MGAT5: variants seen among roughly 807,000 people sequenced by gnomAD.
MGAT5 encodes the protein alpha-1,6-mannosylglycoprotein 6-beta-N-acetylglucosaminyltransferase, also known as alpha-1,6-mannosylglycoprotein 6-beta-N-acetylglucosaminyltransferase A.
MGAT5 carries 30 observed loss-of-function variants against 94.3 expected under a neutral mutation model. The observed-to-expected ratio is 0.32, with a 90% CI of 0.24 to 0.43. MGAT5 has a LOEUF of 0.43. Among genes scored for constraint, MGAT5 ranks in the 20% least tolerant of loss-of-function variants. The probability of loss-of-function intolerance (pLI) is 1.00; values close to 1 mark genes in which losing one functional copy is unlikely to be tolerated. For missense variants in MGAT5, 691 were observed against 905.5 expected (o/e 0.76, Z 3.04); for synonymous variants, 310 against 322.9 (o/e 0.96, Z 0.43).
intron 1 of MGAT5, among the ~76,000 whole-genome samples, chr2:134,127,388 A>G (rs1685890250): frequency 1.3e-5 from 2 of 152,106 alleles, no homozygotes; most frequent in African/African-American, 4.8e-5. Flanking sequence ...TTCACTGTAC[A>G]TTACACACAA....
At chr2:134,366,865 G>A (rs1218183384) in intron 10 of MGAT5, among the ~76,000 whole-genome samples, 1 of 152,166 alleles carries the variant, frequency 6.6e-6, no homozygotes, top group Non-Finnish European at 1.5e-5. Flanking sequence ...ATTTATCTTT[G>A]TCTTCCTGCT....
chr2:134,428,471 C>G (rs1410787735), intron 14 of MGAT5, 32 bp downstream of exon 14: 1 of 1,577,958 alleles, frequency 6.3e-7, no homozygotes, highest in East Asian at 2.2e-5. Flanking sequence ...TCTGTCTTTG[C>G]TGTGTACTGC....
intron 9 of MGAT5, among the ~76,000 whole-genome samples, chr2:134,357,780 AT>A (rs1679836922): frequency 6.6e-6 from 1 of 152,052 alleles, no homozygotes; most frequent in African/African-American, 2.4e-5. Context: ...TTTGTCAACA[AT>A]TTAGGCGCTC....
chr2:134,294,147 A>G (rs1468992476), intron 2 of MGAT5, among the ~76,000 whole-genome samples: 2 of 152,128 alleles, frequency 1.3e-5, no homozygotes, highest in East Asian at 1.9e-4. Context: ...GTTTTATTCT[A>G]CCTTCCAGGG....
chr2:134,261,984 A>T (rs1358038387), intron 1 of MGAT5, among the ~76,000 whole-genome samples: 2 of 152,174 alleles, frequency 1.3e-5, no homozygotes, highest in African/African-American at 2.4e-5. Flanking sequence ...CTAACATGGG[A>T]ACCATTGTTT....
intron 2 of MGAT5, among the ~76,000 whole-genome samples, chr2:134,305,499 T>A (rs933223095): frequency 6.6e-6 from 1 of 152,222 alleles, no homozygotes; most frequent in Non-Finnish European, 1.5e-5. Flanking sequence ...TGATTCCATA[T>A]TTCTTTTCTT....
intron 2 of MGAT5, among the ~76,000 whole-genome samples, chr2:134,275,367 A>G (rs1013223554): frequency 6.6e-6 from 1 of 152,166 alleles, no homozygotes; most frequent in Non-Finnish European, 1.5e-5. Flanking sequence ...TTACAGAAAA[A>G]TGCTTGTCTT....
intron 14 of MGAT5, among the ~76,000 whole-genome samples, chr2:134,435,559 G>T (rs1685125589): frequency 6.6e-6 from 1 of 152,146 alleles, no homozygotes; most frequent in South Asian, 2.1e-4. Context: ...CAAGCCCTAT[G>T]AAGGCAGGGA....
In MGAT5 at chr2:134,450,490, T is replaced by C. The variant is rs780552182; in HGVS notation, c.*1643T>C. ...GGGCCTTTAAGTCTGGGAAGTTACA[T>C]TCTGCTTCTTTCTCAATTGCTACAC... On this transcript the variant is annotated 3_prime_UTR_variant, in exon 16 of 16. Transcript: ENST00000281923. 6.6e-6 allele frequency: 1 copy of C among 152,262 alleles called. No homozygotes were observed. The highest frequency in any genetic ancestry group is 1.5e-5 in the Non-Finnish European group (1 of 68,062). 9.4% of individuals were successfully genotyped at this position (152,262 alleles called of 1,614,324 possible). A position where few individuals can be genotyped will look rare whatever the true frequency, so the allele number is the denominator to read the frequency against.
chr2:134,227,238 T>G (rs1199487949), intron 1 of MGAT5, among the ~76,000 whole-genome samples: 1 of 152,194 alleles, frequency 6.6e-6, no homozygotes, highest in Non-Finnish European at 1.5e-5. Context: ...GCTTTGCCTC[T>G]TCTCTCCTTG....
rs1204965918 is a variant in MGAT5 at position 134,381,671 on chromosome 2, G to A, written c.1380+19263G>A. Among the ~76,000 whole-genome samples, 4 of 152,266 alleles carry A rather than the reference G, an allele frequency of 2.6e-5. No individual in the cohort carries two copies. The East Asian group carries it at 5.8e-4, about 22-fold the overall frequency. Reference sequence around the variant, plus strand: ...ATTAGATAGAATCATTATAGTTCCAGGAAAGGGTGGTTGGCTTCCTACTTT... The same window carrying A: ...ATTAGATAGAATCATTATAGTTCCAAGAAAGGGTGGTTGGCTTCCTACTTT... On this transcript the variant is annotated intron_variant, in intron 10 of 15. Coordinates refer to ENST00000281923, the MANE Select transcript of MGAT5 (RefSeq NM_002410.5).
In MGAT5 at chr2:134,416,474, C is replaced by CTTTTTTTTTTTTTTT. The variant is rs71275904; in HGVS notation, c.1677+3470_1677+3471insTTTTTTTTTTTTTTT. Among the ~76,000 whole-genome samples the CTTTTTTTTTTTTTTT allele has an allele frequency of 4.6e-4, 64 of 139,186 alleles. 3 individuals are homozygous for CTTTTTTTTTTTTTTT. In the South Asian group the frequency reaches 5.7e-3, roughly 12 times the overall value. The allele number at this position is 139,186 out of a possible 152,430, so 91.3% of individuals were successfully genotyped here. ...GCCTGTTTCAGAATCTCATTCCTTA[C>CTTTTTTTTTTTTTTT]TTTTTTTTTTTGGAGACCGGGTCTT... On this transcript the variant is annotated intron_variant, in intron 12 of 15. Coordinates refer to ENST00000281923, the MANE Select transcript of MGAT5 (RefSeq NM_002410.5).
chr2:134,223,395 G>A (rs184026957), intron 1 of MGAT5, among the ~76,000 whole-genome samples: 167 of 152,298 alleles, frequency 1.1e-3, no homozygotes, highest in Non-Finnish European at 1.7e-3. Context: ...GCCAAATGAG[G>A]GAGATCCTTA....
In MGAT5 at chr2:134,336,264, C is replaced by T. The variant is rs769516187; in HGVS notation, c.621C>T (p.Tyr207=). 2.4e-5 allele frequency: 39 copies of T among 1,612,368 alleles called. No individual in the cohort carries two copies. The highest frequency in any genetic ancestry group is 1.8e-4 in the East Asian group (8 of 44,768). The change falls in exon 5 of 16, where the codon TAC becomes TAT. Residue 207 remains tyrosine, a synonymous_variant. Transcript: ENST00000281923. ...PHLPWRAKNP[Y]EEADHNSLAE... ...TACCTTGGAGAGCAAAAAATCCCTACGAAGAAGCTGATCATAATTCATTGG... is the reference window on the plus strand; with the variant it reads ...TACCTTGGAGAGCAAAAAATCCCTATGAAGAAGCTGATCATAATTCATTGG...
intron 1 of MGAT5, among the ~76,000 whole-genome samples, chr2:134,143,814 C>T (rs147816062): frequency 2.0e-5 from 3 of 152,064 alleles, no homozygotes; most frequent in South Asian, 2.1e-4. Flanking sequence ...ACTATTGAAC[C>T]GCCTGAATGC....
At chr2:134,305,166 A>G (rs1686252181) in intron 2 of MGAT5, among the ~76,000 whole-genome samples, 1 of 152,182 alleles carries the variant, frequency 6.6e-6, no homozygotes, top group African/African-American at 2.4e-5. Context: ...TTATCTTGCA[A>G]TTTATTTTTC....
chr2:134,228,943 C>T (rs971936633), intron 1 of MGAT5, among the ~76,000 whole-genome samples: 3 of 152,196 alleles, frequency 2.0e-5, no homozygotes, highest in African/African-American at 7.2e-5. Context: ...TGGGTGTTTT[C>T]TCAGTCTGAG....
chr2:134,288,057 C>T (rs1685117241), intron 2 of MGAT5, among the ~76,000 whole-genome samples: 1 of 152,040 alleles, frequency 6.6e-6, no homozygotes, highest in Non-Finnish European at 1.5e-5. Context: ...GGTTTTTATT[C>T]TCAAGTGCTT....
At position 134,451,690 on chromosome 2, in the gene MGAT5, C is replaced by G. The variant is rs1258780497; in HGVS notation, c.*2843C>G. 6.6e-6 allele frequency: 1 copy of G among 152,210 alleles called. No individual in the cohort carries two copies. The highest frequency in any genetic ancestry group is 1.5e-5 in the Non-Finnish European group (1 of 68,024). 9.4% of individuals were successfully genotyped at this position (152,210 alleles called of 1,614,324 possible). On this transcript the variant is annotated 3_prime_UTR_variant, in exon 16 of 16. Coordinates refer to ENST00000281923, the MANE Select transcript of MGAT5 (RefSeq NM_002410.5). ...GTTTTTCCCCGCTATAATATCTTGC[C>G]TGTTTTTTTGGATTATTTTCCCCAT...
Sources: allele counts gnomAD v4.1 joint callset (sites outside exome capture counted in the v4.1 genomes callset), GRCh38; gene constraint gnomAD v4.1.1; transcripts MANE v1.5; gene names NCBI Gene and HGNC (gene_info 2026-07-23, HGNC 2026-07-21).